NTM: variants seen among roughly 807,000 people sequenced by gnomAD.
NTM encodes IgLON family member 2.
Under a neutral mutation model 42.1 loss-of-function variants are expected in NTM, and 13 were observed. That is an observed-to-expected ratio of 0.31 (90% CI 0.20 to 0.49). The LOEUF (loss-of-function observed/expected upper bound fraction) is 0.49, where lower values mean the gene tolerates loss of function less well. Ranked by LOEUF, NTM falls within the 20% of genes least tolerant of loss-of-function variation. The probability of loss-of-function intolerance (pLI) is 0.99; values close to 1 mark genes in which losing one functional copy is unlikely to be tolerated. For synonymous variants in NTM, 187 were observed against 179.2 expected (o/e 1.04, Z -0.35); for missense variants, 373 against 452.8 (o/e 0.82, Z 1.60).
intron 1 of NTM, among the ~76,000 whole-genome samples, chr11:131,426,525 G>A (rs866447290): frequency 6.6e-6 from 1 of 152,192 alleles, no homozygotes; most frequent in Admixed American, 6.5e-5. Flanking sequence ...TTTGCTAAAG[G>A]TCTGCGAAAT....
At chr11:131,789,175 T>C (rs1261759455) in intron 1 of NTM, among the ~76,000 whole-genome samples, 2 of 151,978 alleles carry the variant, frequency 1.3e-5, no homozygotes, top group African/African-American at 4.8e-5. Context: ...TAGCTTCCTG[T>C]GTTGCCGATG....
chr11:131,624,339 G>C (rs372805597), intron 1 of NTM, among the ~76,000 whole-genome samples: 5 of 152,298 alleles, frequency 3.3e-5, no homozygotes, highest in Middle Eastern at 3.4e-3. Flanking sequence ...GCTGATCTCA[G>C]ATCATGGCAG....
chr11:132,082,775 A>G (rs890406011), intron 2 of NTM, among the ~76,000 whole-genome samples: 11 of 152,316 alleles, frequency 7.2e-5, no homozygotes, highest in Admixed American at 2.6e-4. Flanking sequence ...GGTCCCTGGT[A>G]AAATGGGGCC....
At chr11:131,632,673 CTTTT>C (rs529612626) in intron 1 of NTM, among the ~76,000 whole-genome samples, 2 of 83,058 alleles carry the variant, frequency 2.4e-5, no homozygotes, top group Non-Finnish European at 4.2e-5. Flanking sequence ...GCTCGGGCAG[CTTTT>C]TTTTTTTTTT....
Position 132,188,662 on chromosome 11 carries a change from G to A in NTM, c.401-23360G>A, listed in dbSNP as rs892136142. 2.8e-4 allele frequency among the ~76,000 whole-genome samples: 42 copies of A among 151,936 alleles called. 1 individual carries two copies. The highest frequency in any genetic ancestry group is 1.3e-4 in the Admixed American group (2 of 15,250). ...ACCAGCATCATGATATGCTGTATGT[G>A]CAATGTTGTTGCAAACAGTTCCCCA... On this transcript the variant is annotated intron_variant, in intron 3 of 8. Coordinates refer to ENST00000683400, the MANE Select transcript of NTM (RefSeq NM_001352005.2).
intron 2 of NTM, among the ~76,000 whole-genome samples, chr11:132,142,437 G>A (rs374104030): frequency 6.6e-6 from 1 of 152,262 alleles, no homozygotes; most frequent in African/African-American, 2.4e-5. Context: ...TTGTCTGAAT[G>A]TCCCACCTCC....
chr11:132,154,386 T>C (rs900378577), intron 3 of NTM, among the ~76,000 whole-genome samples: 7 of 152,238 alleles, frequency 4.6e-5, no homozygotes, highest in Admixed American at 3.3e-4. Context: ...ACTGGTTCTA[T>C]GCTTCTTGCA....
Position 131,643,912 on chromosome 11 carries a change from A to G in NTM, c.83-267652A>G, listed in dbSNP as rs2065452123. On this transcript the variant is annotated intron_variant, in intron 1 of 8. Coordinates refer to ENST00000683400, the MANE Select transcript of NTM (RefSeq NM_001352005.2). ...TGTCCTGAGGGTACACACTACCACA[A>G]CATGGGTTCTGCTTTGGATTTTGGC... Among the ~76,000 whole-genome samples the G allele has an allele frequency of 2.0e-5, 3 of 152,184 alleles. 1 individual carries two copies. In the South Asian group the frequency reaches 6.2e-4, roughly 31 times the overall value.
At chr11:132,196,397 A>G (rs1461530135) in intron 3 of NTM, among the ~76,000 whole-genome samples, 1 of 152,102 alleles carries the variant, frequency 6.6e-6, no homozygotes, top group African/African-American at 2.4e-5. Flanking sequence ...GAGATTTTTC[A>G]AAGGACTTAG....
intron 1 of NTM, among the ~76,000 whole-genome samples, chr11:131,843,144 T>C (rs2044484007): frequency 6.6e-6 from 1 of 152,164 alleles, no homozygotes; most frequent in African/African-American, 2.4e-5. Context: ...TTGTAATATT[T>C]TTGCCAAATT....
chr11:131,748,251 A>G (rs1485616002), intron 1 of NTM, among the ~76,000 whole-genome samples: 1 of 152,216 alleles, frequency 6.6e-6, no homozygotes, highest in African/African-American at 2.4e-5. Context: ...GTCATGTATC[A>G]TGTAGTACAT....
chr11:131,585,750 T>C (rs1297607478), intron 1 of NTM, among the ~76,000 whole-genome samples: 1 of 152,106 alleles, frequency 6.6e-6, no homozygotes, highest in Non-Finnish European at 1.5e-5. Context: ...CCCCAAATGG[T>C]TGTAGTGTGT....
chr11:132,013,978 T>C (rs75226110), intron 2 of NTM, among the ~76,000 whole-genome samples: 1,961 of 152,102 alleles, frequency 0.013, 45 homozygotes, highest in African/African-American at 0.044. Context: ...TTAGAACTTA[T>C]TCCTATATCG....
chr11:131,862,054 A>G (rs1018334538), intron 1 of NTM, among the ~76,000 whole-genome samples: 15 of 152,188 alleles, frequency 9.9e-5, no homozygotes, highest in Non-Finnish European at 1.8e-4. Context: ...TATCAGCCTG[A>G]GCAAAATGTG....
intron 8 of NTM, among the ~76,000 whole-genome samples, chr11:132,330,892 T>C (rs1288903400): frequency 6.6e-6 from 1 of 152,228 alleles, no homozygotes; most frequent in African/African-American, 2.4e-5. Context: ...GCAGATGGGC[T>C]GAGCTGTAGC....
At chr11:131,869,221 C>T (rs1313067192) in intron 1 of NTM, among the ~76,000 whole-genome samples, 2 of 152,160 alleles carry the variant, frequency 1.3e-5, no homozygotes, top group Admixed American at 1.3e-4. Context: ...CTCCCGGGCC[C>T]TCTCCCTTCC....
chr11:131,549,278 C>T (rs900422593), intron 1 of NTM, among the ~76,000 whole-genome samples: 3 of 152,106 alleles, frequency 2.0e-5, no homozygotes, highest in Non-Finnish European at 4.4e-5. Flanking sequence ...GAGATGGTAC[C>T]TGTGAGAACT....
intron 2 of NTM, among the ~76,000 whole-genome samples, chr11:131,950,745 T>C (rs929312101): frequency 2.0e-5 from 3 of 152,210 alleles, no homozygotes; most frequent in Non-Finnish European, 4.4e-5. Flanking sequence ...AACTATAGAC[T>C]ATTATTTCTC....
chr11:131,520,118 A>T (rs143674875), intron 1 of NTM, among the ~76,000 whole-genome samples: 3 of 152,352 alleles, frequency 2.0e-5, no homozygotes, highest in Non-Finnish European at 2.9e-5. Flanking sequence ...CAACAGTTGC[A>T]TTATAGAATC....
Sources: allele counts gnomAD v4.1 joint callset (sites outside exome capture counted in the v4.1 genomes callset), GRCh38; gene constraint gnomAD v4.1.1; transcripts MANE v1.5; gene names NCBI Gene and HGNC (gene_info 2026-07-23, HGNC 2026-07-21).